RSRP1: variants seen among roughly 807,000 people sequenced by gnomAD.
RSRP1 encodes arginine and serine rich protein 1, also known as arginine/serine-rich protein 1.
In RSRP1, 37 loss-of-function variants were observed where a neutral mutation model predicts 33.0. That is an observed-to-expected ratio of 1.12 (90% CI 0.86 to 1.48). The LOEUF is 1.48. Among genes scored for constraint, RSRP1 ranks in the 40% most tolerant of loss-of-function variants. The pLI is 0.00. For synonymous variants in RSRP1, 167 were observed against 158.7 expected, an observed-to-expected ratio of 1.05 and a Z score of -0.40; for missense variants, 402 against 385.3, an observed-to-expected ratio of 1.04 and a Z score of -0.36.
chr1:25,301,552 T>G lies in RSRP1; in HGVS notation c.-67+36426A>C, dbSNP rs1053356. Reference sequence around the variant, plus strand: ...CTTCTTGTGGATGTTCTGGCCAAGTTTCAACTCTGCTCTGCTGAGAAGTCC... The same window carrying G: ...CTTCTTGTGGATGTTCTGGCCAAGTGTCAACTCTGCTCTGCTGAGAAGTCC... On this transcript the variant is annotated intron_variant, in intron 1 of 1. Coordinates refer to the RSRP1 transcript ENST00000561867. 10,117 of 1,378,402 alleles carry G rather than the reference T, an allele frequency of 7.3e-3. 2,067 individuals are homozygous for G. The African/African-American group carries it at 0.11, about 15-fold the overall frequency. 85.4% of individuals were successfully genotyped at this position (1,378,402 alleles called of 1,614,324 possible).
chr1:25,307,873 C>A, intron 1 of RSRP1: 1 of 1,267,666 alleles, frequency 7.9e-7, no homozygotes, highest in Non-Finnish European at 1.1e-6. Flanking sequence ...CAAGGCGCCT[C>A]TGTGATGGGT....
rs1379300531 is a variant in RSRP1 at position 25,309,456 on chromosome 1, A to T, written c.-67+28522T>A. 1.5e-5 allele frequency among the ~76,000 whole-genome samples: 2 copies of T among 131,602 alleles called. 1 individual carries two copies. The highest frequency in any genetic ancestry group is 3.9e-4 in the East Asian group (2 of 5,138). The allele number at this position is 131,602 out of a possible 152,430, so 86.3% of individuals were successfully genotyped here. A position where few individuals can be genotyped will look rare whatever the true frequency, so the allele number is the denominator to read the frequency against. On this transcript the variant is annotated intron_variant, in intron 1 of 1. Coordinates refer to the RSRP1 transcript ENST00000561867. ...GAGATTTTAGCAACATTTTGTTTTC[A>T]TTGTATCTCTTTTTACAGCTACCTC...
Position 25,321,485 on chromosome 1 carries a change from A to C in RSRP1, c.-67+16493T>G, listed in dbSNP as rs1326101689. On this transcript the variant is annotated intron_variant, in intron 1 of 1. Transcript: ENST00000561867. ...AGACCAGCCTGGCCAACATGGTGAA[A>C]CTCCATCTCTACTAAAAAAAAAAAA... is the stretch of plus-strand genomic sequence containing the variant. Among the ~76,000 whole-genome samples, 2 of 114,078 alleles carry C rather than the reference A, an allele frequency of 1.8e-5. 1 individual carries two copies. Among genetic ancestry groups the C allele is most frequent in the African/African-American group, 5.8e-5 (2 of 34,370 alleles). The allele number at this position is 114,078 out of a possible 152,430, so 74.8% of individuals were successfully genotyped here.
chr1:25,316,052 C>T lies in RSRP1; in HGVS notation c.-67+21926G>A, dbSNP rs1182263672. Among the ~76,000 whole-genome samples the T allele has an allele frequency of 3.1e-5, 4 of 131,036 alleles. 2 individuals are homozygous for T. The highest frequency in any genetic ancestry group is 7.2e-5 in the Non-Finnish European group (4 of 55,546). 86.0% of individuals were successfully genotyped at this position (131,036 alleles called of 152,430 possible). ...AAACAGGAAAGGCTTAAAAAACTGG[C>T]TTGTTATGTACAACTATCCGTGGGG... On this transcript the variant is annotated intron_variant, in intron 1 of 1. Coordinates refer to the RSRP1 transcript ENST00000561867.
chr1:25,278,319 T>C (rs1289329066), intron 1 of RSRP1, among the ~76,000 whole-genome samples: 1 of 130,552 alleles, frequency 7.7e-6, no homozygotes, highest in African/African-American at 2.6e-5. Context: ...ATGTTCATTC[T>C]GGGCTTGGAG....
chr1:25,243,124 C>T lies in RSRP1; in HGVS notation c.757-419G>A, dbSNP rs556562426. On this transcript the variant is annotated intron_variant, in intron 4 of 4. Transcript: ENST00000243189. ...AAAAAAAAAAGGATTATCAACCAAA[C>T]ACATAGTGTGAACCTTAATTGTAGC... 2.6e-5 allele frequency among the ~76,000 whole-genome samples: 4 copies of T among 152,146 alleles called. No homozygotes were observed. The South Asian group carries it at 8.3e-4, about 32-fold the overall frequency.
intron 2 of RSRP1, among the ~76,000 whole-genome samples, 157 bp from the exon 3 acceptor site, chr1:25,245,458 A>G (rs1288281197): frequency 1.3e-5 from 2 of 152,224 alleles, no homozygotes; most frequent in Non-Finnish European, 2.9e-5. Flanking sequence ...CTTGAACACT[A>G]GTAGCTGCGC....
chr1:25,311,392 G>T (rs1377428548), intron 1 of RSRP1, among the ~76,000 whole-genome samples: 1 of 131,042 alleles, frequency 7.6e-6, no homozygotes, highest in East Asian at 1.9e-4. Flanking sequence ...AGGCGTGGTG[G>T]TGGGCGCCTG....
At chr1:25,333,887 T>TCC (rs1430239065) in intron 1 of RSRP1, among the ~76,000 whole-genome samples, 1 of 129,682 alleles carries the variant, frequency 7.7e-6, no homozygotes, top group African/African-American at 2.7e-5. Flanking sequence ...GTAAGACCTG[T>TCC]CCCCATGATT....
chr1:25,336,481 A>G (rs1439176631), intron 1 of RSRP1: 4 of 147,094 alleles, frequency 2.7e-5, no homozygotes, highest in Admixed American at 2.6e-4. Flanking sequence ...ACAAACATTC[A>G]TTAAGTCCCA....
chr1:25,332,621 A>G (rs1308819759), intron 1 of RSRP1, among the ~76,000 whole-genome samples: 2 of 132,292 alleles, frequency 1.5e-5, no homozygotes, highest in African/African-American at 5.2e-5. Flanking sequence ...TATTTAACCA[A>G]TATTTATTGA....
chr1:25,322,539 G>A lies in RSRP1; in HGVS notation c.-67+15439C>T, dbSNP rs558186349. Among the ~76,000 whole-genome samples, 36 of 132,430 alleles carry A rather than the reference G, an allele frequency of 2.7e-4. 4 individuals are homozygous for A. The highest frequency in any genetic ancestry group is 9.2e-4 in the African/African-American group (36 of 38,924). 86.9% of individuals were successfully genotyped at this position (132,430 alleles called of 152,430 possible). A position where few individuals can be genotyped will look rare whatever the true frequency, so the allele number is the denominator to read the frequency against. ...AATACAAAAGTTAGCTGGGTGTGGT[G>A]GCACATGCCTGTAATCCCAGTTACT... On this transcript the variant is annotated intron_variant, in intron 1 of 1. Transcript: ENST00000561867.
In RSRP1 at chr1:25,246,533, C is replaced by T. The variant is rs745389278; in HGVS notation, c.431G>A (p.Arg144His). The T allele has an allele frequency of 2.0e-5, 33 of 1,614,128 alleles. No homozygotes were observed. The South Asian group carries it at 3.3e-4, about 16-fold the overall frequency. ...ARGQRYYGFGRTVYPEEHSRW... is the reference protein window; with the variant it reads ...ARGQRYYGFGHTVYPEEHSRW... ...GCTGTGCTCCTCCGGGTACACTGTG[C>T]GACCAAAGCCGTAGTAGCGCTGTCC... The change falls in exon 2 of 5, where the codon CGC becomes CAC. Residue 144 changes from arginine to histidine, a missense_variant. By Grantham distance (29) the Arg-to-His change is conservative. Coordinates refer to ENST00000243189, the MANE Select transcript of RSRP1 (RefSeq NM_020317.5).
At chr1:25,332,396 A>G (rs1571784252) in intron 1 of RSRP1, among the ~76,000 whole-genome samples, 1 of 132,110 alleles carries the variant, frequency 7.6e-6, no homozygotes, top group Admixed American at 7.4e-5. Context: ...TATAATAGCT[A>G]TGTCTATTGA....
rs1463598018 is a variant in RSRP1 at position 25,313,431 on chromosome 1, C to T, written c.-67+24547G>A. Reference sequence around the variant, plus strand: ...TACAGTAAGTCTGTGCTTTTGTATGCTTCTTTTACTCAACATTGTAGTTGT... The same window carrying T: ...TACAGTAAGTCTGTGCTTTTGTATGTTTCTTTTACTCAACATTGTAGTTGT... On this transcript the variant is annotated intron_variant, in intron 1 of 1. Coordinates refer to the RSRP1 transcript ENST00000561867. Among the ~76,000 whole-genome samples the T allele has an allele frequency of 1.1e-4, 14 of 132,898 alleles. 5 individuals are homozygous for T. The highest frequency in any genetic ancestry group is 4.6e-4 in the South Asian group (2 of 4,334). 87.2% of individuals were successfully genotyped at this position (132,898 alleles called of 152,430 possible). A position where few individuals can be genotyped will look rare whatever the true frequency, so the allele number is the denominator to read the frequency against.
intron 1 of RSRP1, among the ~76,000 whole-genome samples, chr1:25,333,794 C>CA (rs1270202986): frequency 7.7e-6 from 1 of 129,786 alleles, no homozygotes; most frequent in African/African-American, 2.7e-5. Flanking sequence ...CAGGCAAAGA[C>CA]AAAGACAGCT....
In RSRP1 at chr1:25,246,997, G is replaced by C. The variant is rs778091728; in HGVS notation, c.-34C>G. 12 of 1,520,790 alleles carry C rather than the reference G, an allele frequency of 7.9e-6. No individual in the cohort carries two copies. In the South Asian group the frequency reaches 1.4e-4, roughly 18 times the overall value. The allele number at this position is 1,520,790 out of a possible 1,614,324, so 94.2% of individuals were successfully genotyped here. A position where few individuals can be genotyped will look rare whatever the true frequency, so the allele number is the denominator to read the frequency against. On this transcript the variant is annotated 5_prime_UTR_variant, in exon 2 of 5. Coordinates refer to ENST00000243189, the MANE Select transcript of RSRP1 (RefSeq NM_020317.5). ...GCGGCTTTAGCCTGCGCTTTCTCCG[G>C]AAAGGATCCCGCAAGCCTCAACTCA... is the stretch of plus-strand genomic sequence containing the variant.
Position 25,289,153 on chromosome 1 carries a change from T to C in RSRP1, c.-66-42124A>G, listed in dbSNP as rs1423568961. ...ATCCTCTACGTGACCCTCTGTAAAATGGGATACTGAATGGTGAGCTAGCAC... is the reference window on the plus strand; with the variant it reads ...ATCCTCTACGTGACCCTCTGTAAAACGGGATACTGAATGGTGAGCTAGCAC... On this transcript the variant is annotated intron_variant, in intron 1 of 1. Coordinates refer to the RSRP1 transcript ENST00000561867. Among the ~76,000 whole-genome samples the C allele has an allele frequency of 1.5e-5, 2 of 131,978 alleles. 1 individual carries two copies. The highest frequency in any genetic ancestry group is 3.6e-5 in the Non-Finnish European group (2 of 55,706). The allele number at this position is 131,978 out of a possible 152,430, so 86.6% of individuals were successfully genotyped here. A position where few individuals can be genotyped will look rare whatever the true frequency, so the allele number is the denominator to read the frequency against.
chr1:25,296,724 G>A (rs1308230628), intron 1 of RSRP1, among the ~76,000 whole-genome samples: 2 of 126,306 alleles, frequency 1.6e-5, no homozygotes, highest in African/African-American at 5.3e-5. Context: ...GTTTGAAAGT[G>A]TGGCACTTCC....
Sources: allele counts gnomAD v4.1 joint callset (sites outside exome capture counted in the v4.1 genomes callset), GRCh38; gene constraint gnomAD v4.1.1; transcripts MANE v1.5; gene names NCBI Gene and HGNC (gene_info 2026-07-23, HGNC 2026-07-21).